The following PLS1 variants were observed in gnomAD, a reference collection of about 807,000 sequenced individuals.
The protein encoded by PLS1 is plastin 1, also known as plastin-1.
PLS1 carries 32 observed loss-of-function variants against 73.7 expected under a neutral mutation model. That is an observed-to-expected ratio of 0.43 (90% confidence interval 0.33 to 0.58). The LOEUF (loss-of-function observed/expected upper bound fraction) is 0.58, where lower values mean the gene tolerates loss of function less well. Among genes scored for constraint, PLS1 ranks in the 20% least tolerant of loss-of-function variants. The pLI is 0.04. For synonymous variants in PLS1, 217 were observed against 261.3 expected, an observed-to-expected ratio of 0.83 and a Z score of 1.63; for missense variants, 633 against 740.5, an observed-to-expected ratio of 0.85 and a Z score of 1.68.
chr3:142,678,540 G>A (rs1416571561), intron 6 of PLS1, among the ~76,000 whole-genome samples: 1 of 150,554 alleles, frequency 6.6e-6, no homozygotes, highest in African/African-American at 2.4e-5. Flanking sequence ...TTTTGTTCTT[G>A]TAATAGTTTA....
intron 1 of PLS1, among the ~76,000 whole-genome samples, chr3:142,614,954 T>G (rs1374078376): frequency 6.6e-6 from 1 of 152,162 alleles, no homozygotes; most frequent in African/African-American, 2.4e-5. Flanking sequence ...CAAGCCTGGC[T>G]ATACTACGGG....
chr3:142,632,799 A>T (rs1378574695), intron 1 of PLS1, among the ~76,000 whole-genome samples: 1 of 152,148 alleles, frequency 6.6e-6, no homozygotes, highest in African/African-American at 2.4e-5. Flanking sequence ...GGGTTTTACC[A>T]TGTTGGCCGG....
chr3:142,653,644 G>T (rs1253082675), intron 1 of PLS1, among the ~76,000 whole-genome samples: 1 of 152,064 alleles, frequency 6.6e-6, no homozygotes, highest in Non-Finnish European at 1.5e-5. Context: ...GATTACACGT[G>T]TGAGCCACCA....
chr3:142,618,420 C>T (rs1172820249), intron 1 of PLS1, among the ~76,000 whole-genome samples: 1 of 152,160 alleles, frequency 6.6e-6, no homozygotes, highest in Non-Finnish European at 1.5e-5. Context: ...GCAACTTAAA[C>T]AATACAAATT....
Position 142,708,511 on chromosome 3 carries a change from G to T in PLS1, c.1630-2990G>T, listed in dbSNP as rs180922956. Among the ~76,000 whole-genome samples the T allele has an allele frequency of 7.3e-5, 11 of 151,538 alleles. 1 individual carries two copies. The highest frequency in any genetic ancestry group is 2.7e-4 in the African/African-American group (11 of 40,808). ...TCTGCCTGCCTTGGCCTCCCAAAGTGTTGGGATTACAGGCATGAGCCACCA... is the reference window on the plus strand; with the variant it reads ...TCTGCCTGCCTTGGCCTCCCAAAGTTTTGGGATTACAGGCATGAGCCACCA... On this transcript the variant is annotated intron_variant, in intron 14 of 15. Coordinates refer to ENST00000457734, the MANE Select transcript of PLS1 (RefSeq NM_001145319.2).
At chr3:142,680,653 T>C (rs1238654354) in intron 6 of PLS1, among the ~76,000 whole-genome samples, 1 of 152,238 alleles carries the variant, frequency 6.6e-6, no homozygotes, top group East Asian at 1.9e-4. Flanking sequence ...CAGGTATTTA[T>C]ACTTACCACA....
chr3:142,636,837 A>G (rs1162490960), intron 1 of PLS1, among the ~76,000 whole-genome samples: 1 of 152,206 alleles, frequency 6.6e-6, no homozygotes, highest in Non-Finnish European at 1.5e-5. Flanking sequence ...ATCATTAGTC[A>G]TCAGAGAAGT....
chr3:142,641,695 G>A (rs114037891), intron 1 of PLS1, among the ~76,000 whole-genome samples: 3,308 of 151,938 alleles, frequency 0.022, 61 homozygotes, highest in Middle Eastern at 0.037. Flanking sequence ...GGGTGGTGGC[G>A]GTCTTCCTAC....
chr3:142,628,107 T>C (rs896728886), intron 1 of PLS1, among the ~76,000 whole-genome samples: 9 of 152,200 alleles, frequency 5.9e-5, no homozygotes, highest in African/African-American at 1.9e-4. Flanking sequence ...AGAAAGATGA[T>C]ACCTTGGTTC....
intron 14 of PLS1, among the ~76,000 whole-genome samples, chr3:142,709,947 A>G (rs988856966): frequency 2.0e-5 from 3 of 152,176 alleles, no homozygotes; most frequent in African/African-American, 7.2e-5. Context: ...GCTAGAGCCT[A>G]TACTAGATGT....
intron 1 of PLS1, among the ~76,000 whole-genome samples, chr3:142,611,934 A>G (rs2036128936): frequency 6.6e-6 from 1 of 152,156 alleles, no homozygotes. Context: ...AGAAAGGTTA[A>G]ATGACTTGTT....
intron 12 of PLS1, 94 bp downstream of exon 12, chr3:142,698,161 C>A: frequency 1.4e-6 from 1 of 725,846 alleles, no homozygotes; most frequent in Non-Finnish European, 2.3e-6. Flanking sequence ...TCTGTCCCCA[C>A]AATTCTGATT....
intron 1 of PLS1, among the ~76,000 whole-genome samples, chr3:142,647,318 T>C (rs1012556461): frequency 1.3e-5 from 2 of 152,154 alleles, no homozygotes; most frequent in Admixed American, 1.3e-4. Context: ...TAATGGTGTA[T>C]CATATTTCTT....
Position 142,712,604 on chromosome 3 carries a change from CT to C in PLS1, c.*602del, listed in dbSNP as rs1933189744. ...CACTCTCTTGTTTAAGTAGCAGCAG[CT>C]TTTTACTTAAAATTTAATTTTAACT... On this transcript the variant is annotated 3_prime_UTR_variant, in exon 16 of 16. Coordinates refer to ENST00000457734, the MANE Select transcript of PLS1 (RefSeq NM_001145319.2). The C allele has an allele frequency of 6.6e-6, 1 of 152,182 alleles. No homozygotes were observed. The highest frequency in any genetic ancestry group is 2.1e-4 in the South Asian group (1 of 4,826). 9.4% of individuals were successfully genotyped at this position (152,182 alleles called of 1,614,324 possible).
intron 1 of PLS1, among the ~76,000 whole-genome samples, chr3:142,622,467 T>C (rs1290451129): frequency 6.6e-6 from 1 of 152,170 alleles, no homozygotes; most frequent in Non-Finnish European, 1.5e-5. Flanking sequence ...GGTTAGTTTT[T>C]ATTTTCTAGA....
At chr3:142,648,848 A>G (rs2037016947) in intron 1 of PLS1, among the ~76,000 whole-genome samples, 1 of 152,168 alleles carries the variant, frequency 6.6e-6, no homozygotes, top group African/African-American at 2.4e-5. Flanking sequence ...AGCAAACTAT[A>G]GTGTGGGTCT....
rs1209135306 is a variant in PLS1, at chr3:142,672,518, T to C, written c.364+1396T>C. Among the ~76,000 whole-genome samples, 4 of 152,072 alleles carry C rather than the reference T, an allele frequency of 2.6e-5. No individual in the cohort carries two copies. In the East Asian group the frequency reaches 7.8e-4, roughly 30 times the overall value. ...CCAACACGCCCAGCTAATGTTTTTGTATTTTTAGTAGAGTCAGGGTTTCAC... is the reference window on the plus strand; with the variant it reads ...CCAACACGCCCAGCTAATGTTTTTGCATTTTTAGTAGAGTCAGGGTTTCAC... On this transcript the variant is annotated intron_variant, in intron 4 of 15. Coordinates refer to ENST00000457734, the MANE Select transcript of PLS1 (RefSeq NM_001145319.2).
chr3:142,601,330 T>G (rs1354515170), intron 1 of PLS1, among the ~76,000 whole-genome samples: 4 of 152,056 alleles, frequency 2.6e-5, no homozygotes, highest in African/African-American at 7.2e-5. Context: ...TACACTTAAA[T>G]GTCCAAATAT....
intron 12 of PLS1, among the ~76,000 whole-genome samples, chr3:142,701,670 A>G (rs1370720945): frequency 6.6e-6 from 1 of 152,200 alleles, no homozygotes; most frequent in African/African-American, 2.4e-5. Flanking sequence ...TTCTCTTTCA[A>G]TGCTGGTCCT....
Sources: gnomAD v4.1 joint callset for allele counts (sites outside exome capture counted in the v4.1 genomes callset) on GRCh38, gnomAD v4.1.1 for gene constraint, MANE v1.5 for transcripts, NCBI Gene and HGNC (gene_info 2026-07-23, HGNC 2026-07-21) for gene names.